Variants in CEP112 observed in about 807,000 individuals in gnomAD.
The protein encoded by CEP112 is centrosomal protein 112.
Under a neutral mutation model 153.0 loss-of-function variants are expected in CEP112, and 127 were observed. That is an observed-to-expected ratio of 0.83 (90% CI 0.72 to 0.96). The LOEUF is 0.96. Among genes scored for constraint, CEP112 ranks in the 40% least tolerant of loss-of-function variants. The probability of loss-of-function intolerance (pLI) is 0.00; values close to 1 mark genes in which losing one functional copy is unlikely to be tolerated. For synonymous variants in CEP112, 358 were observed against 374.4 expected (o/e 0.96, Z 0.51); for missense variants, 1,089 against 1,101.2 (o/e 0.99, Z 0.16).
chr17:65,937,990 G>C (rs1164878467), intron 18 of CEP112, among the ~76,000 whole-genome samples: 5 of 120,798 alleles, frequency 4.1e-5, no homozygotes, highest in Non-Finnish European at 7.0e-5. Flanking sequence ...GGAAAGGTGG[G>C]GAAAAGATTG....
chr17:65,952,305 G>A (rs1037519360), intron 18 of CEP112, among the ~76,000 whole-genome samples: 2 of 152,064 alleles, frequency 1.3e-5, no homozygotes, highest in African/African-American at 4.8e-5. Context: ...ACCCACAGAA[G>A]ATGAGACAAG....
At chr17:66,084,229 C>T (rs1192619689) in intron 8 of CEP112, among the ~76,000 whole-genome samples, 1 of 152,126 alleles carries the variant, frequency 6.6e-6, no homozygotes, top group Admixed American at 6.5e-5. Flanking sequence ...TAAATTAATA[C>T]AACCACAATG....
chr17:65,857,460 C>T (rs914719920), intron 20 of CEP112, among the ~76,000 whole-genome samples: 11 of 152,052 alleles, frequency 7.2e-5, no homozygotes, highest in African/African-American at 2.7e-4. Context: ...GGCTTGCTAA[C>T]CGAACTCCTG....
chr17:66,090,701 A>G (rs1232035002), intron 8 of CEP112, among the ~76,000 whole-genome samples: 1 of 152,160 alleles, frequency 6.6e-6, no homozygotes, highest in Non-Finnish European at 1.5e-5. Flanking sequence ...ACTTATGAAT[A>G]CTTATGTTGA....
intron 8 of CEP112, among the ~76,000 whole-genome samples, chr17:66,076,917 G>A (rs956894011): frequency 6.6e-6 from 1 of 152,292 alleles, no homozygotes; most frequent in Middle Eastern, 3.4e-3. Context: ...CCGGAGCCAG[G>A]TAGACTCGCT....
chr17:65,835,713 A>G (rs1598735432), intron 21 of CEP112, among the ~76,000 whole-genome samples: 2 of 152,218 alleles, frequency 1.3e-5, no homozygotes, highest in African/African-American at 2.4e-5. Context: ...ACAAAATGCT[A>G]AAGGGAGTTT....
intron 21 of CEP112, among the ~76,000 whole-genome samples, chr17:65,790,958 T>C (rs545796598): frequency 7.2e-5 from 11 of 152,252 alleles, no homozygotes; most frequent in South Asian, 4.2e-4. Context: ...ACTGGCATTT[T>C]ATTTCCTTTC....
intron 21 of CEP112, among the ~76,000 whole-genome samples, chr17:65,756,984 A>C (rs1426268381): frequency 6.6e-6 from 1 of 152,178 alleles, no homozygotes; most frequent in African/African-American, 2.4e-5. Flanking sequence ...GAGGTAATTA[A>C]GGCAAAATGA....
At chr17:65,890,963 CT>C (rs2059442133) in intron 20 of CEP112, among the ~76,000 whole-genome samples, 1 of 152,184 alleles carries the variant, frequency 6.6e-6, no homozygotes, top group Non-Finnish European at 1.5e-5. Flanking sequence ...ACATTCTTTA[CT>C]CATATCTGTT....
intron 25 of CEP112, among the ~76,000 whole-genome samples, chr17:65,639,453 A>C (rs2044972967): frequency 6.6e-6 from 1 of 151,974 alleles, no homozygotes; most frequent in Non-Finnish European, 1.5e-5. Context: ...AGGTGGGCGA[A>C]TTGCTTGAGG....
chr17:66,011,149 T>C (rs2145511183), intron 16 of CEP112, among the ~76,000 whole-genome samples: 1 of 152,244 alleles, frequency 6.6e-6, no homozygotes, highest in African/African-American at 2.4e-5. Context: ...CATTATTGGT[T>C]TGTTCAGGGA....
chr17:65,826,245 T>C, intron 21 of CEP112: 1 of 1,614,118 alleles, frequency 6.2e-7, no homozygotes, highest in Non-Finnish European at 8.5e-7. Flanking sequence ...TCTATCAGTC[T>C]CAGGGCTTGG....
At chr17:66,036,087 T>C (rs1294666665) in intron 12 of CEP112, among the ~76,000 whole-genome samples, 2 of 152,214 alleles carry the variant, frequency 1.3e-5, no homozygotes, top group Admixed American at 6.5e-5. Context: ...CTTGAAAACA[T>C]TATGCTGCAT....
intron 24 of CEP112, among the ~76,000 whole-genome samples, chr17:65,674,586 G>T (rs2047138926): frequency 1.3e-5 from 2 of 152,176 alleles, no homozygotes; most frequent in African/African-American, 4.8e-5. Context: ...ATTCCAAAGG[G>T]CTACACTCTA....
Position 66,029,996 on chromosome 17 carries a change from G to A in CEP112, c.1246C>T (p.Arg416Cys), listed in dbSNP as rs746319995. 18 of 1,613,418 alleles carry A rather than the reference G, an allele frequency of 1.1e-5. No individual in the cohort carries two copies. The highest frequency in any genetic ancestry group is 3.3e-5 in the Admixed American group (2 of 59,942). Residue 416 changes from arginine (R) to cysteine (C), a missense_variant, in exon 13 of 27, where the codon CGT becomes TGT. Arg to Cys is a radical substitution (Grantham distance 180). Coordinates refer to ENST00000535342, the MANE Select transcript of CEP112 (RefSeq NM_001199165.4). ...GCTTCTCCAGTCAGCTGCTGGACACGGGCCTCCAGTTCTTTGATCATGTGG... is the reference window on the plus strand; with the variant it reads ...GCTTCTCCAGTCAGCTGCTGGACACAGGCCTCCAGTTCTTTGATCATGTGG... ...TNHMIKELEA[R>C]VQQLTGEAEN...
chr17:66,177,816 T>C (rs777481313), intron 2 of CEP112, among the ~76,000 whole-genome samples: 2 of 152,180 alleles, frequency 1.3e-5, no homozygotes. Flanking sequence ...ATATGAAGAT[T>C]GTCTTTCTGT....
intron 6 of CEP112, among the ~76,000 whole-genome samples, chr17:66,097,143 C>T (rs940371898): frequency 3.9e-5 from 6 of 152,156 alleles, no homozygotes; most frequent in African/African-American, 1.4e-4. Flanking sequence ...CCCCCTAAAT[C>T]TCCCTTTCAG....
intron 24 of CEP112, among the ~76,000 whole-genome samples, chr17:65,652,141 G>A (rs2143633434): frequency 6.6e-6 from 1 of 152,240 alleles, no homozygotes; most frequent in African/African-American, 2.4e-5. Flanking sequence ...AGAGTGTTTG[G>A]AGCTGAGGGG....
intron 6 of CEP112, among the ~76,000 whole-genome samples, chr17:66,102,117 G>C (rs547670006): frequency 2.6e-5 from 4 of 152,120 alleles, no homozygotes; most frequent in Non-Finnish European, 5.9e-5. Context: ...TAAGTAACTA[G>C]AAAACAATAT....
Sources: gnomAD v4.1 joint callset for allele counts (sites outside exome capture counted in the v4.1 genomes callset) on GRCh38, gnomAD v4.1.1 for gene constraint, MANE v1.5 for transcripts, NCBI Gene and HGNC (gene_info 2026-07-23, HGNC 2026-07-21) for gene names.